CHD4: variants seen among roughly 807,000 people sequenced by gnomAD.
CHD4 encodes ATP-dependent chromatin remodeler CHD4.
A neutral mutation model predicts 235.5 loss-of-function variants in CHD4; 35 were observed. That is an observed-to-expected ratio of 0.15 (90% confidence interval 0.11 to 0.20). The LOEUF (loss-of-function observed/expected upper bound fraction) is 0.20. CHD4 is among the 10% of genes least tolerant of loss of function. CHD4 has a pLI of 1.00. For missense variants in CHD4, 1,329 were observed against 2,432.3 expected (o/e 0.55, Z 9.54); for synonymous variants, 900 against 850.2 (o/e 1.06, Z -1.02).
At chr12:6,596,281 G>C in intron 12 of CHD4, 144 bp from the exon 13 acceptor site, 2 of 906,898 alleles carry the variant, frequency 2.2e-6, no homozygotes, top group Non-Finnish European at 3.3e-6. Context: ...TACTGTACCA[G>C]TCTCTGACCA....
intron 33 of CHD4, 172 bp downstream of exon 33, chr12:6,580,872 T>G: frequency 1.5e-6 from 1 of 682,266 alleles, no homozygotes; most frequent in South Asian, 1.9e-5. Context: ...CTGGGCATGA[T>G]GGCGTCTGTC....
At chr12:6,596,430 G>A (rs1027188385) in intron 12 of CHD4, among the ~76,000 whole-genome samples, 1 of 148,254 alleles carries the variant, frequency 6.7e-6, no homozygotes, top group Admixed American at 6.7e-5. Flanking sequence ...CAGGCAGATC[G>A]CTTGAGGCCA....
rs375106320 is a variant in CHD4 at position 6,581,705 on chromosome 12, G to A, written c.4625C>T (p.Thr1542Ile). The A allele has an allele frequency of 1.2e-6, 2 of 1,608,602 alleles. No individual in the cohort carries two copies. Among genetic ancestry groups the A allele is most frequent in the Non-Finnish European group, 1.7e-6 (2 of 1,176,942 alleles). The change falls in exon 31 of 40, where the codon ACA becomes ATA. Residue 1542 changes from threonine (T) to isoleucine (I), a missense_variant. Physicochemically the swap from Thr to Ile is moderately conservative, Grantham distance 89 (BLOSUM62 -1). Around this residue, in one of 26 missense-constraint regions of CHD4, gnomAD observed 219 missense variants for 219.3 expected, o/e 1.00. Coordinates refer to ENST00000544040, the MANE Select transcript of CHD4 (RefSeq NM_001273.5). ...QPGSPSPKTPTPSTPGDTQPN... is the reference protein window; with the variant it reads ...QPGSPSPKTPIPSTPGDTQPN... ...CTGCGTGTCCCCTGGAGTGGAGGGT[G>A]TAGGAGTTTTTGGGGAGGGTGACCC...
intron 31 of CHD4, 29 bp from the exon 32 acceptor site, chr12:6,581,417 G>A: frequency 1.3e-6 from 2 of 1,599,000 alleles, no homozygotes; most frequent in Non-Finnish European, 1.7e-6. Context: ...CAATCAATTA[G>A]GAAGAAGGTA....
In CHD4 at chr12:6,601,984, C is replaced by A. The variant is rs150832622; in HGVS notation, c.414G>T (p.Glu138Asp). 6.9e-5 allele frequency: 101 copies of A among 1,455,580 alleles called. 1 individual carries two copies. The highest frequency in any genetic ancestry group is 5.2e-4 in the Admixed American group (29 of 55,340). The allele number at this position is 1,455,580 out of a possible 1,614,324, so 90.2% of individuals were successfully genotyped here. A position where few individuals can be genotyped will look rare whatever the true frequency, so the allele number is the denominator to read the frequency against. The part of the protein sequence containing the change: ...SKSKRKEEEE[E>D]EDDDDDSKEP... ...CCTTTGAATCATCATCATCATCCTCCTCCTCCTCCTCCTCCTTCCGCTTGG... is the reference window on the plus strand; with the variant it reads ...CCTTTGAATCATCATCATCATCCTCATCCTCCTCCTCCTCCTTCCGCTTGG... The change falls in exon 4 of 40, where the codon GAG (glutamate) becomes GAT (aspartate). Residue 138 changes from glutamate to aspartate, a missense_variant. Around this residue, in one of 26 missense-constraint regions of CHD4, gnomAD observed 213 missense variants for 177.5 expected, o/e 1.20. Transcript: ENST00000544040.
intron 25 of CHD4, among the ~76,000 whole-genome samples, chr12:6,585,895 C>T (rs2136206809): frequency 6.6e-6 from 1 of 150,916 alleles, no homozygotes; most frequent in Admixed American, 6.6e-5. Flanking sequence ...GTCAGGAGTT[C>T]TAGAGTATCC....
chr12:6,604,824 C>T (rs1283465497), intron 2 of CHD4, among the ~76,000 whole-genome samples: 1 of 152,246 alleles, frequency 6.6e-6, no homozygotes, highest in African/African-American at 2.4e-5. Flanking sequence ...ACAGCTCCTG[C>T]GCAGCTCCCG....
intron 33 of CHD4, chr12:6,580,386 T>A (rs1368859466): frequency 6.6e-6 from 1 of 152,038 alleles, no homozygotes; most frequent in South Asian, 2.1e-4. Flanking sequence ...CGAGTGACCA[T>A]GGTTCACACA....
At position 6,598,432 on chromosome 12, in the gene CHD4, G is replaced by A; in HGVS notation, c.1483-7C>T. ...TGCCCTTCAGAGCTGGACACTGAGA[G>A]AAAAAGAGACAACTTAATCTCAAAT... On this transcript the variant is annotated splice_polypyrimidine_tract_variant and splice_region_variant and intron_variant, in intron 10 of 39. Transcript: ENST00000544040. The A allele has an allele frequency of 1.3e-6, 2 of 1,578,496 alleles. No homozygotes were observed. The highest frequency in any genetic ancestry group is 1.7e-6 in the Non-Finnish European group (2 of 1,160,876).
intron 37 of CHD4, among the ~76,000 whole-genome samples, chr12:6,576,164 C>G (rs1012555793): frequency 1.3e-5 from 2 of 152,066 alleles, no homozygotes; most frequent in African/African-American, 2.4e-5. Flanking sequence ...CGAGACCATC[C>G]TGGCCAACAT....
At chr12:6,595,967 AAAAAG>A in intron 13 of CHD4, 34 bp downstream of exon 13, 1 of 1,573,760 alleles carries the variant, frequency 6.4e-7, no homozygotes, top group East Asian at 2.2e-5. Context: ...AAAAAAAAAA[AAAAAG>A]AAACAACTCT....
At chr12:6,597,485 G>A (rs1043887908) in intron 12 of CHD4, among the ~76,000 whole-genome samples, 5 of 151,160 alleles carry the variant, frequency 3.3e-5, no homozygotes, top group Non-Finnish European at 7.4e-5. Flanking sequence ...ATATAAGGCT[G>A]AGCGTGGTGG....
intron 12 of CHD4, among the ~76,000 whole-genome samples, chr12:6,597,204 A>C (rs972576955): frequency 5.3e-5 from 8 of 150,674 alleles, no homozygotes; most frequent in African/African-American, 2.0e-4. Context: ...TGAACCCAGG[A>C]GGCAGAGCTT....
intron 10 of CHD4, among the ~76,000 whole-genome samples, chr12:6,599,274 T>C (rs1426885668): frequency 2.0e-5 from 3 of 146,430 alleles, no homozygotes; most frequent in African/African-American, 7.5e-5. Context: ...TCAACAGAGA[T>C]TTTTTTTTTT....
At chr12:6,582,964 A>G (rs773742613) in intron 27 of CHD4, 28 bp from the exon 28 acceptor site, 1 of 1,612,222 alleles carries the variant, frequency 6.2e-7, no homozygotes, top group Admixed American at 1.7e-5. Context: ...TGAATGAGTG[A>G]CACAGGTAGG....
In CHD4 at chr12:6,578,347, T is replaced by C. The variant is rs144986034; in HGVS notation, c.5119+62A>G. ...GGTAAAGTCCCTGTACCGTGGTTTC[T>C]GACAAGAACCCCAATTTCACATCAG... On this transcript the variant is annotated intron_variant, in intron 35 of 39. Coordinates refer to ENST00000544040, the MANE Select transcript of CHD4 (RefSeq NM_001273.5). 5 of 1,582,064 alleles carry C rather than the reference T, an allele frequency of 3.2e-6. No individual in the cohort carries two copies. In the East Asian group the frequency reaches 6.7e-5, roughly 21 times the overall value.
Position 6,592,582 on chromosome 12 carries a change from G to A in CHD4, c.2775-16C>T. 3 of 1,579,322 alleles carry A rather than the reference G, an allele frequency of 1.9e-6. No individual in the cohort carries two copies. Among genetic ancestry groups the A allele is most frequent in the East Asian group, 2.3e-5 (1 of 44,242 alleles). On this transcript the variant is annotated splice_polypyrimidine_tract_variant and intron_variant, in intron 18 of 39. Transcript: ENST00000544040. ...TTCCAAATTGCTTCAGAAAGAAAAA[G>A]GAAAAAAGTTATTGGAGAAGGAGAA... is the stretch of plus-strand genomic sequence containing the variant.
rs753850984 is a variant in CHD4 at position 6,598,252 on chromosome 12, G to A, written c.1656C>T (p.Tyr552=). 9.3e-6 allele frequency: 15 copies of A among 1,613,596 alleles called. No homozygotes were observed. Among genetic ancestry groups the A allele is most frequent in the Non-Finnish European group, 1.1e-5 (13 of 1,179,730 alleles). The part of the protein sequence containing the change: ...QFFVKWQGMS[Y]WHCSWVSELQ... ...GTTCAGAAACCCAGGAGCAGTGCCA[G>A]TAAGACATGCCTTGCCATTTCACAA... The change falls in exon 11 of 40, where the codon TAC becomes TAT. Residue 552 remains tyrosine, a synonymous_variant. Transcript: ENST00000544040.
rs1948601067 is a variant in CHD4 at position 6,601,975 on chromosome 12, A to ATCC, written c.422_423insGGA (p.Asp140_Asp141insGlu). ...GTCCAGGCACCTTTGAATCATCATC[A>ATCC]TCATCCTCCTCCTCCTCCTCCTCCT... On this transcript the variant is annotated inframe_insertion, in exon 4 of 40. Transcript: ENST00000544040. The ATCC allele has an allele frequency of 6.2e-7, 1 of 1,608,646 alleles. No homozygotes were observed. Among genetic ancestry groups the ATCC allele is most frequent in the East Asian group, 2.2e-5 (1 of 44,848 alleles).
Sources: gnomAD v4.1 joint callset for allele counts (sites outside exome capture counted in the v4.1 genomes callset) on GRCh38, gnomAD v4.1.1 for gene constraint, gnomAD v4.1.1 regional missense constraint, MANE v1.5 for transcripts, NCBI Gene and HGNC (gene_info 2026-07-23, HGNC 2026-07-21) for gene names.